TMEM51: variants seen among roughly 807,000 people sequenced by gnomAD.
The protein encoded by TMEM51 is chromosome 1 open reading frame 72.
TMEM51 carries 8 observed loss-of-function variants against 13.6 expected under a neutral mutation model. The ratio of observed to expected loss-of-function variants is 0.59; its 90% CI spans 0.35 to 1.07. The LOEUF (loss-of-function observed/expected upper bound fraction) is 1.07. Among genes scored for constraint, TMEM51 ranks in the 50% least tolerant of loss-of-function variants. The pLI is 0.02. For missense variants in TMEM51, 279 were observed against 330.7 expected (o/e 0.84, Z 1.21); for synonymous variants, 147 against 144.4 (o/e 1.02, Z -0.13).
chr1:15,213,523 A>G (rs1644374420), intron 2 of TMEM51, among the ~76,000 whole-genome samples: 1 of 152,168 alleles, frequency 6.6e-6, no homozygotes, highest in African/African-American at 2.4e-5. Flanking sequence ...GAGGTTTAGC[A>G]AGGGGCATTG....
At chr1:15,217,394 C>T (rs1644447922) in intron 3 of TMEM51, among the ~76,000 whole-genome samples, 2 of 152,212 alleles carry the variant, frequency 1.3e-5, no homozygotes, top group South Asian at 4.1e-4. Context: ...AATACAATTT[C>T]CAAATTAAAC....
chr1:15,192,249 T>TAGTGTAAGTACACGGGTGG, intron 1 of TMEM51: 1 of 375,476 alleles, frequency 2.7e-6, no homozygotes. Context: ...GTCTTTCACT[T>TAGTGTAAGTACACGGGTGG]AGTTTTTAGC....
chr1:15,197,275 C>T (rs1644068656), intron 1 of TMEM51, among the ~76,000 whole-genome samples: 2 of 152,180 alleles, frequency 1.3e-5, no homozygotes, highest in African/African-American at 4.8e-5. Flanking sequence ...GAGCCAGAAT[C>T]AAAGTCATAT....
At chr1:15,217,235 C>A (rs1644445890) in intron 3 of TMEM51, among the ~76,000 whole-genome samples, 1 of 152,190 alleles carries the variant, frequency 6.6e-6, no homozygotes. Context: ...TTTCTGCCCT[C>A]CAATGTTACC....
intron 1 of TMEM51, among the ~76,000 whole-genome samples, chr1:15,156,611 G>A (rs1033485448): frequency 1.3e-5 from 2 of 152,214 alleles, no homozygotes; most frequent in African/African-American, 4.8e-5. Context: ...CTCTTGCAGC[G>A]AAAGCTGTGA....
Position 15,153,777 on chromosome 1 carries a change from C to T in TMEM51, c.-444C>T, listed in dbSNP as rs1463037260. 1 of 152,048 alleles carries T rather than the reference C, an allele frequency of 6.6e-6. No individual in the cohort carries two copies. 9.4% of individuals were successfully genotyped at this position (152,048 alleles called of 1,614,324 possible). A position where few individuals can be genotyped will look rare whatever the true frequency, so the allele number is the denominator to read the frequency against. On this transcript the variant is annotated 5_prime_UTR_variant, in exon 1 of 4. Coordinates refer to ENST00000376008, the MANE Select transcript of TMEM51 (RefSeq NM_001136218.2). Reference sequence around the variant, plus strand: ...GCGCTTCCTGCGTCCCCAACCCGGTCCCTGAGAGGGCAGTGCGCCCTCTCC... The same window carrying T: ...GCGCTTCCTGCGTCCCCAACCCGGTTCCTGAGAGGGCAGTGCGCCCTCTCC...
chr1:15,219,790 C>T lies in TMEM51; in HGVS notation c.*47C>T. ...TCCCTCCTGTCTCTCACACCTTTCA[C>T]CCCCAAGACTCTAACAAAGCCACAT... On this transcript the variant is annotated 3_prime_UTR_variant, in exon 4 of 4. Coordinates refer to ENST00000376008, the MANE Select transcript of TMEM51 (RefSeq NM_001136218.2). The T allele has an allele frequency of 6.3e-7, 1 of 1,576,242 alleles. No homozygotes were observed. The highest frequency in any genetic ancestry group is 8.6e-7 in the Non-Finnish European group (1 of 1,160,540).
At chr1:15,200,823 T>C (rs892334997) in intron 1 of TMEM51, among the ~76,000 whole-genome samples, 3 of 151,816 alleles carry the variant, frequency 2.0e-5, no homozygotes, top group African/African-American at 7.3e-5. Context: ...GGGAAGCTGG[T>C]TTTCATGAAG....
intron 1 of TMEM51, among the ~76,000 whole-genome samples, chr1:15,174,325 C>T (rs1400952754): frequency 6.6e-6 from 1 of 152,190 alleles, no homozygotes; most frequent in East Asian, 1.9e-4. Context: ...TCACTACAGC[C>T]TCCACCTCCT....
In TMEM51 at chr1:15,219,797, G is replaced by A; in HGVS notation, c.*54G>A. ...TGTCTCTCACACCTTTCACCCCCAA[G>A]ACTCTAACAAAGCCACATGAGCCAC... On this transcript the variant is annotated 3_prime_UTR_variant, in exon 4 of 4. Transcript: ENST00000376008. 6.4e-7 allele frequency: 1 copy of A among 1,568,250 alleles called. No homozygotes were observed. The highest frequency in any genetic ancestry group is 1.8e-5 in the Admixed American group (1 of 54,760).
intron 1 of TMEM51, among the ~76,000 whole-genome samples, chr1:15,160,811 A>G (rs1400915857): frequency 6.6e-6 from 1 of 151,874 alleles, no homozygotes; most frequent in Non-Finnish European, 1.5e-5. Flanking sequence ...CCTGATACAT[A>G]TGGTATGCCA....
intron 1 of TMEM51, among the ~76,000 whole-genome samples, chr1:15,208,631 A>G (rs1056494222): frequency 6.6e-6 from 1 of 152,134 alleles, no homozygotes; most frequent in African/African-American, 2.4e-5. Flanking sequence ...AAAAAATTTT[A>G]AATACAGAAA....
chr1:15,169,798 G>A (rs752070707), intron 1 of TMEM51, among the ~76,000 whole-genome samples: 12 of 152,192 alleles, frequency 7.9e-5, no homozygotes, highest in East Asian at 1.9e-4. Flanking sequence ...GGCAGATTAC[G>A]AAGCTGTCCA....
In TMEM51 at chr1:15,206,488, G is replaced by A. The variant is rs1475305063; in HGVS notation, c.-266-4002G>A. Among the ~76,000 whole-genome samples the A allele has an allele frequency of 2.6e-5, 4 of 152,292 alleles. No individual in the cohort carries two copies. The East Asian group carries it at 7.7e-4, about 29-fold the overall frequency. ...ACTCAGCTTTGTGGGAACCCGCATA[G>A]TGCAGGCACAGGTGGACTTCACAGT... On this transcript the variant is annotated intron_variant, in intron 1 of 3. Transcript: ENST00000376008.
At chr1:15,195,465 C>G (rs1644028479) in intron 1 of TMEM51, among the ~76,000 whole-genome samples, 1 of 152,088 alleles carries the variant, frequency 6.6e-6, no homozygotes, top group Admixed American at 6.6e-5. Flanking sequence ...CTGGCCACAT[C>G]TTGAGTCCCA....
At chr1:15,194,641 TC>T (rs1217751387) in intron 1 of TMEM51, among the ~76,000 whole-genome samples, 3 of 152,202 alleles carry the variant, frequency 2.0e-5, no homozygotes, top group Non-Finnish European at 4.4e-5. Context: ...TCCTATCTTT[TC>T]GTTGTTATTC....
chr1:15,181,602 T>G (rs1007565252), intron 1 of TMEM51, among the ~76,000 whole-genome samples: 11 of 152,210 alleles, frequency 7.2e-5, no homozygotes, highest in African/African-American at 2.7e-4. Flanking sequence ...AAGTAAACGA[T>G]GAGCTTCCCA....
At chr1:15,172,480 AG>A (rs1172291070) in intron 1 of TMEM51, among the ~76,000 whole-genome samples, 1 of 151,794 alleles carries the variant, frequency 6.6e-6, no homozygotes, top group African/African-American at 2.4e-5. Context: ...AGAAGAAAAA[AG>A]AAAGAGAAGA....
In TMEM51 at chr1:15,161,419, C is replaced by T. The variant is rs1264011117; in HGVS notation, c.-267+7465C>T. On this transcript the variant is annotated intron_variant, in intron 1 of 3. Coordinates refer to ENST00000376008, the MANE Select transcript of TMEM51 (RefSeq NM_001136218.2). This position sits in a 1 kb window ranked among gnomAD's most constrained non-coding sequence, Gnocchi z 4.0. ...TACTCAGGAGGCTGACCACAGGAATCGCTTGAACCTGGAAAGCAGAGGTTG... is the reference window on the plus strand; with the variant it reads ...TACTCAGGAGGCTGACCACAGGAATTGCTTGAACCTGGAAAGCAGAGGTTG... Among the ~76,000 whole-genome samples, 2 of 151,688 alleles carry T rather than the reference C, an allele frequency of 1.3e-5. No individual in the cohort carries two copies. The highest frequency in any genetic ancestry group is 4.9e-5 in the African/African-American group (2 of 41,162).
Sources: allele counts gnomAD v4.1 joint callset (sites outside exome capture counted in the v4.1 genomes callset), GRCh38; gene constraint gnomAD v4.1.1; non-coding constraint Gnocchi (gnomAD v3.1); transcripts MANE v1.5; gene names NCBI Gene and HGNC (gene_info 2026-07-23, HGNC 2026-07-21).